Variants in EHBP1 observed in about 807,000 individuals in gnomAD.
EHBP1 encodes the protein EH domain-binding protein 1.
In EHBP1, 55 loss-of-function variants were observed where a neutral mutation model predicts 144.0. The ratio of observed to expected loss-of-function variants is 0.38; its 90% confidence interval spans 0.31 to 0.48. The LOEUF (loss-of-function observed/expected upper bound fraction) is 0.48. Among genes scored for constraint, EHBP1 ranks in the 20% least tolerant of loss-of-function variants. The pLI, the probability that EHBP1 is intolerant of heterozygous loss-of-function variation, is 0.98. For synonymous variants in EHBP1, 469 were observed against 472.7 expected (o/e 0.99, Z 0.10); for missense variants, 1,200 against 1,364.2 (o/e 0.88, Z 1.90).
intron 5 of EHBP1, among the ~76,000 whole-genome samples, chr2:62,784,945 G>A (rs2042702095): frequency 6.6e-6 from 1 of 152,140 alleles, no homozygotes; most frequent in Non-Finnish European, 1.5e-5. Flanking sequence ...ATTCCAGTAA[G>A]CTATCAGGAA....
In EHBP1 at chr2:62,754,793, C is replaced by T. The variant is rs182683135; in HGVS notation, c.162+7341C>T. 2.2e-3 allele frequency among the ~76,000 whole-genome samples: 334 copies of T among 152,304 alleles called. 4 individuals carry two copies. The highest frequency in any genetic ancestry group is 0.016 in the Admixed American group (244 of 15,296). ...GGCGTGGGACCCTCCGAGCCAGGAG[C>T]GGGATATAATCTCCTGGTGTGCCGT... On this transcript the variant is annotated intron_variant, in intron 3 of 22. Transcript: ENST00000431489.
chr2:62,986,877 T>C (rs907294710), intron 15 of EHBP1, among the ~76,000 whole-genome samples: 19 of 152,154 alleles, frequency 1.2e-4, no homozygotes, highest in Non-Finnish European at 2.5e-4. Flanking sequence ...AGCCTAAGGA[T>C]GTACTTTTTC....
At chr2:62,787,731 GAGATGATGAAATTCA>G (rs2042913151) in intron 5 of EHBP1, among the ~76,000 whole-genome samples, 1 of 152,146 alleles carries the variant, frequency 6.6e-6, no homozygotes, top group African/African-American at 2.4e-5. Flanking sequence ...GTGCCAAAGG[GAGATGATGAAATTCA>G]AGATCCACAC....
At chr2:63,042,212 G>A (rs1386061946) in intron 21 of EHBP1, among the ~76,000 whole-genome samples, 1 of 152,120 alleles carries the variant, frequency 6.6e-6, no homozygotes, top group East Asian at 1.9e-4. Flanking sequence ...ACATGCGAAT[G>A]TGAATCTTGA....
chr2:63,028,987 C>T (rs894254036), intron 19 of EHBP1, among the ~76,000 whole-genome samples: 1 of 152,130 alleles, frequency 6.6e-6, no homozygotes, highest in Non-Finnish European at 1.5e-5. Context: ...TTGTAATTCT[C>T]ATTTTTTAAA....
At chr2:62,968,645 G>A (rs1315021336) in intron 14 of EHBP1, among the ~76,000 whole-genome samples, 2 of 152,100 alleles carry the variant, frequency 1.3e-5, no homozygotes, top group South Asian at 4.1e-4. Context: ...TTACTTTGAC[G>A]TTACATTTTT....
chr2:62,784,998 G>A (rs1330324116), intron 5 of EHBP1, among the ~76,000 whole-genome samples: 4 of 151,872 alleles, frequency 2.6e-5, no homozygotes, highest in African/African-American at 9.7e-5. Context: ...GGTCAGATTT[G>A]TATTTTTAAA....
intron 7 of EHBP1, among the ~76,000 whole-genome samples, chr2:62,832,968 AAC>A (rs2046938608): frequency 6.6e-6 from 1 of 152,234 alleles, no homozygotes; most frequent in South Asian, 2.1e-4. Flanking sequence ...TCTTGTGCCA[AAC>A]AGTTAAACAA....
intron 15 of EHBP1, among the ~76,000 whole-genome samples, chr2:62,979,995 GCTT>G (rs1421325312): frequency 1.3e-5 from 2 of 152,118 alleles, no homozygotes; most frequent in Admixed American, 1.3e-4. Context: ...AGGCTTGTGA[GCTT>G]CTTATTTCAA....
chr2:62,948,493 C>G lies in EHBP1; in HGVS notation c.1647C>G (p.Phe549Leu). Residue 549 changes from phenylalanine (F) to leucine (L), a missense_variant, in exon 13 of 23, where the codon TTC becomes TTG. Physicochemically the swap from Phe to Leu is conservative, Grantham distance 22. Transcript: ENST00000431489. Reference sequence around the variant, plus strand: ...ACAGTTCTGTTGATCAAGAAAAATTCTATGCAGAGCTTAGTGATCTGAAGC... The same window carrying G: ...ACAGTTCTGTTGATCAAGAAAAATTGTATGCAGAGCTTAGTGATCTGAAGC... ...DTNSSVDQEK[F>L]YAELSDLKRE... The G allele has an allele frequency of 6.2e-7, 1 of 1,613,566 alleles. No homozygotes were observed. Among genetic ancestry groups the G allele is most frequent in the Non-Finnish European group, 8.5e-7 (1 of 1,179,640 alleles).
chr2:62,789,594 T>G (rs556279198), intron 5 of EHBP1, among the ~76,000 whole-genome samples: 3 of 152,314 alleles, frequency 2.0e-5, no homozygotes, highest in Non-Finnish European at 4.4e-5. Context: ...CATGATCACT[T>G]AAAGATGACA....
chr2:62,722,975 A>G (rs1294628218), intron 2 of EHBP1, among the ~76,000 whole-genome samples: 1 of 152,168 alleles, frequency 6.6e-6, no homozygotes, highest in African/African-American at 2.4e-5. Flanking sequence ...AGAAGAATGT[A>G]TATTCTGTTG....
chr2:62,765,347 C>T (rs2041095757), intron 4 of EHBP1, among the ~76,000 whole-genome samples: 2 of 152,034 alleles, frequency 1.3e-5, no homozygotes, highest in African/African-American at 2.4e-5. Flanking sequence ...TGCTTTAAAA[C>T]GTATTTCATT....
intron 19 of EHBP1, among the ~76,000 whole-genome samples, chr2:63,027,661 T>A (rs1291477194): frequency 6.6e-6 from 1 of 152,142 alleles, no homozygotes; most frequent in African/African-American, 2.4e-5. Context: ...CCTATAGATA[T>A]TTAGGAAGGT....
chr2:62,917,552 C>G (rs1247712980), intron 10 of EHBP1, among the ~76,000 whole-genome samples: 1 of 152,118 alleles, frequency 6.6e-6, no homozygotes, highest in East Asian at 1.9e-4. Context: ...CTCTATAGTT[C>G]AGGTATGTTC....
intron 19 of EHBP1, among the ~76,000 whole-genome samples, chr2:63,032,085 C>A (rs1021374719): frequency 2.0e-5 from 3 of 151,616 alleles, no homozygotes; most frequent in Non-Finnish European, 2.9e-5. Flanking sequence ...CAGTGCTGAC[C>A]TTCAGTATAA....
chr2:62,724,324 T>C (rs934018132), intron 2 of EHBP1, among the ~76,000 whole-genome samples: 26 of 152,206 alleles, frequency 1.7e-4, no homozygotes, highest in Non-Finnish European at 4.4e-5. Context: ...TTCTGTCAGA[T>C]TGGTTACATT....
intron 19 of EHBP1, among the ~76,000 whole-genome samples, chr2:63,027,478 C>T (rs1015743650): frequency 2.0e-5 from 3 of 152,162 alleles, no homozygotes; most frequent in Non-Finnish European, 4.4e-5. Flanking sequence ...TCTGGAAGAA[C>T]AGCATTTATT....
intron 8 of EHBP1, among the ~76,000 whole-genome samples, chr2:62,864,362 C>T (rs1199121808): frequency 3.3e-5 from 5 of 152,082 alleles, no homozygotes; most frequent in Non-Finnish European, 5.9e-5. Context: ...TTTGTAATGG[C>T]AAGCTGGTAG....
Sources: allele counts gnomAD v4.1 joint callset (sites outside exome capture counted in the v4.1 genomes callset), GRCh38; gene constraint gnomAD v4.1.1; transcripts MANE v1.5; gene names NCBI Gene and HGNC (gene_info 2026-07-23, HGNC 2026-07-21).